Variants in PCDHGB7 observed in about 807,000 individuals in gnomAD.
PCDHGB7 encodes protocadherin gamma-B7.
Under a neutral mutation model 61.4 loss-of-function variants are expected in PCDHGB7, and 37 were observed. The observed-to-expected ratio is 0.60, with a 90% confidence interval of 0.46 to 0.79. PCDHGB7 has a LOEUF of 0.79. Ranked by LOEUF, PCDHGB7 falls within the 30% of genes least tolerant of loss-of-function variation. PCDHGB7 has a pLI of 0.00. For synonymous variants in PCDHGB7, 464 were observed against 503.5 expected (o/e 0.92, Z 1.05); for missense variants, 1,166 against 1,202.5 (o/e 0.97, Z 0.45).
chr5:141,457,632 G>T (rs919693977), intron 1 of PCDHGB7, among the ~76,000 whole-genome samples: 1 of 152,142 alleles, frequency 6.6e-6, no homozygotes, highest in Non-Finnish European at 1.5e-5. Context: ...CTTATACTTG[G>T]CCTGATTATT....
intron 2 of PCDHGB7, among the ~76,000 whole-genome samples, chr5:141,495,128 G>T (rs1408872159): frequency 2.6e-5 from 4 of 152,160 alleles, no homozygotes; most frequent in African/African-American, 9.7e-5. Flanking sequence ...TCCCCTGAGG[G>T]CACTGTGGAA....
At chr5:141,457,647 T>C (rs929739178) in intron 1 of PCDHGB7, among the ~76,000 whole-genome samples, 6 of 152,256 alleles carry the variant, frequency 3.9e-5, no homozygotes, top group Non-Finnish European at 8.8e-5. Context: ...ATTATTTGCA[T>C]GAAGTGCAGC....
At position 141,487,915 on chromosome 5, in the gene PCDHGB7, G is replaced by T; in HGVS notation, c.2416-6892G>T. The T allele has an allele frequency of 1.5e-6, 1 of 655,128 alleles. No homozygotes were observed. Among genetic ancestry groups the T allele is most frequent in the Middle Eastern group, 3.5e-4 (1 of 2,862 alleles). The allele number at this position is 655,128 out of a possible 1,614,324, so 40.6% of individuals were successfully genotyped here. ...GATGATGGAATGTGGGAGCACAGGA[G>T]GCTACAGTGCACAGGGTACAGTGCA... On this transcript the variant is annotated intron_variant, in intron 1 of 3. Coordinates refer to ENST00000398594, the MANE Select transcript of PCDHGB7 (RefSeq NM_018927.4). This position sits in a 1 kb window ranked among gnomAD's most constrained non-coding sequence, Gnocchi z 5.0.
chr5:141,489,942 C>T lies in PCDHGB7; in HGVS notation c.2416-4865C>T. On this transcript the variant is annotated intron_variant, in intron 1 of 3. Transcript: ENST00000398594. The surrounding 1 kb of genome is among the most constrained non-coding windows in gnomAD (Gnocchi z 4.5). ...CCCTTATCTCTGTCATCGTGCTGGA[C>T]ATCAATGATAATGCTCCAACCTTCC... 2 of 1,614,170 alleles carry T rather than the reference C, an allele frequency of 1.2e-6. No homozygotes were observed. The highest frequency in any genetic ancestry group is 1.7e-6 in the Non-Finnish European group (2 of 1,179,984).
rs3805699 is a variant in PCDHGB7 at position 141,435,743 on chromosome 5, G to A, written c.2415+15469G>A. Among the ~76,000 whole-genome samples the A allele has an allele frequency of 9.2e-5, 14 of 152,198 alleles. No homozygotes were observed. The East Asian group carries it at 2.1e-3, about 23-fold the overall frequency. ...GCTAAAGTGTATTACTCTTTGAAAA[G>A]CATTGCTTGATTTCTTTTGGTGAAT... is the stretch of plus-strand genomic sequence containing the variant. On this transcript the variant is annotated intron_variant, in intron 1 of 3. Coordinates refer to ENST00000398594, the MANE Select transcript of PCDHGB7 (RefSeq NM_018927.4).
Position 141,500,251 on chromosome 5 carries a change from C to T in PCDHGB7, c.2475-5142C>T, listed in dbSNP as rs187199142. Among the ~76,000 whole-genome samples, 1,493 of 151,438 alleles carry T rather than the reference C, an allele frequency of 9.9e-3. 32 individuals are homozygous for T. Among genetic ancestry groups the T allele is most frequent in the African/African-American group, 0.035 (1,426 of 41,214 alleles). Reference sequence around the variant, plus strand: ...TGATACGTAGCCTTGCTCTGTCACCCAGGCTGGACTGCAGTGGCGCAATCT... The same window carrying T: ...TGATACGTAGCCTTGCTCTGTCACCTAGGCTGGACTGCAGTGGCGCAATCT... On this transcript the variant is annotated intron_variant, in intron 2 of 3. Coordinates refer to ENST00000398594, the MANE Select transcript of PCDHGB7 (RefSeq NM_018927.4).
chr5:141,491,048 C>G lies in PCDHGB7; in HGVS notation c.2416-3759C>G. On this transcript the variant is annotated intron_variant, in intron 1 of 3. Coordinates refer to ENST00000398594, the MANE Select transcript of PCDHGB7 (RefSeq NM_018927.4). The surrounding 1 kb of genome is among the most constrained non-coding windows in gnomAD (Gnocchi z 6.9). ...GTGGATGCTGATGCAGGCCACAATGCGTGGCTCTCCTACTCACTGTTGCCA... is the reference window on the plus strand; with the variant it reads ...GTGGATGCTGATGCAGGCCACAATGGGTGGCTCTCCTACTCACTGTTGCCA... 1.2e-6 allele frequency: 2 copies of G among 1,614,066 alleles called. No individual in the cohort carries two copies. Among genetic ancestry groups the G allele is most frequent in the Non-Finnish European group, 8.5e-7 (1 of 1,179,952 alleles).
intron 1 of PCDHGB7, among the ~76,000 whole-genome samples, chr5:141,438,591 CATATATATATATATATATAT>C (rs946798767): frequency 2.1e-4 from 16 of 75,572 alleles, no homozygotes; most frequent in Middle Eastern, 0.016. Context: ...TACATACATA[CATATATATATATATATATAT>C]ATATATATAT....
At chr5:141,453,865 A>T (rs1048679358) in intron 1 of PCDHGB7, among the ~76,000 whole-genome samples, 2 of 152,234 alleles carry the variant, frequency 1.3e-5, no homozygotes, top group African/African-American at 4.8e-5. Flanking sequence ...AAAATAACAG[A>T]TGAGCAAAAT....
chr5:141,492,026 G>A, intron 1 of PCDHGB7: 1 of 567,198 alleles, frequency 1.8e-6, no homozygotes, highest in South Asian at 2.9e-5. Flanking sequence ...GGGGTCCCGG[G>A]AGGAGGCAGT....
intron 1 of PCDHGB7, among the ~76,000 whole-genome samples, chr5:141,457,459 C>G (rs749463185): frequency 1.6e-4 from 24 of 152,166 alleles, no homozygotes; most frequent in Non-Finnish European, 3.4e-4. Context: ...CCACTTGATT[C>G]ACAGGAATAA....
At chr5:141,428,275 G>C in intron 1 of PCDHGB7, 1 of 767,218 alleles carries the variant, frequency 1.3e-6, no homozygotes, top group Non-Finnish European at 2.2e-6. Context: ...TGTGCCCTCT[G>C]ATTCCCAAGC....
rs755863653 is a variant in PCDHGB7 at position 141,422,228 on chromosome 5, TG to T, written c.2415+1955del. 2.3e-5 allele frequency: 36 copies of T among 1,565,448 alleles called. No individual in the cohort carries two copies. The Middle Eastern group carries it at 8.6e-4, about 37-fold the overall frequency. ...GGAGGTCTCTTTACCACCACGACGA[TG>T]TTGATCACTGTTGTGGATGTGAATG... On this transcript the variant is annotated intron_variant, in intron 1 of 3. Transcript: ENST00000398594.
chr5:141,454,351 C>T (rs1406631649), intron 1 of PCDHGB7, among the ~76,000 whole-genome samples: 2 of 152,152 alleles, frequency 1.3e-5, no homozygotes, highest in Non-Finnish European at 2.9e-5. Flanking sequence ...GAAGTTGATC[C>T]AAACTTAGAA....
At chr5:141,478,488 G>A in intron 1 of PCDHGB7, 1 of 1,613,320 alleles carries the variant, frequency 6.2e-7, no homozygotes, top group Non-Finnish European at 8.5e-7. Context: ...ACGCTGCGGA[G>A]CTGTGATCCG....
At chr5:141,425,695 T>G (rs1329762653) in intron 1 of PCDHGB7, among the ~76,000 whole-genome samples, 1 of 152,232 alleles carries the variant, frequency 6.6e-6, no homozygotes, top group African/African-American at 2.4e-5. Context: ...TATCATTTCA[T>G]AGTGGTCAAA....
At chr5:141,502,472 A>T (rs1450967250) in intron 2 of PCDHGB7, among the ~76,000 whole-genome samples, 1 of 150,886 alleles carries the variant, frequency 6.6e-6, no homozygotes, top group Non-Finnish European at 1.5e-5. Flanking sequence ...TACTTCCCGC[A>T]GCATCACACT....
At chr5:141,454,267 A>G (rs1270638226) in intron 1 of PCDHGB7, among the ~76,000 whole-genome samples, 1 of 152,254 alleles carries the variant, frequency 6.6e-6, no homozygotes, top group Non-Finnish European at 1.5e-5. Context: ...AAGTAATGCC[A>G]GCAAAAACTT....
At position 141,433,110 on chromosome 5, in the gene PCDHGB7, G is replaced by A. The variant is rs1031253372; in HGVS notation, c.2415+12836G>A. On this transcript the variant is annotated intron_variant, in intron 1 of 3. Coordinates refer to ENST00000398594, the MANE Select transcript of PCDHGB7 (RefSeq NM_018927.4). Reference sequence around the variant, plus strand: ...GCAGACATGCTCGTCAGCCAGGAGAGCTTTGAAAAAAGCGAGCCCCTTTTG... The same window carrying A: ...GCAGACATGCTCGTCAGCCAGGAGAACTTTGAAAAAAGCGAGCCCCTTTTG... 3.1e-6 allele frequency: 5 copies of A among 1,613,982 alleles called. No homozygotes were observed. The African/African-American group carries it at 5.3e-5, about 17-fold the overall frequency.
Sources: gnomAD v4.1 joint callset for allele counts (sites outside exome capture counted in the v4.1 genomes callset) on GRCh38, gnomAD v4.1.1 for gene constraint, Gnocchi (gnomAD v3.1) non-coding constraint, MANE v1.5 for transcripts, NCBI Gene and HGNC (gene_info 2026-07-23, HGNC 2026-07-21) for gene names.